The following CD80 variants were observed in gnomAD, a reference collection of about 807,000 sequenced individuals.
CD80 encodes the protein CD80 molecule, also known as T-lymphocyte activation antigen CD80.
A neutral mutation model predicts 27.1 loss-of-function variants in CD80; 13 were observed. The ratio of observed to expected loss-of-function variants is 0.48; its 90% CI spans 0.31 to 0.76. The LOEUF (loss-of-function observed/expected upper bound fraction) is 0.76, where lower values mean the gene tolerates loss of function less well. CD80 is among the 30% of genes least tolerant of loss of function. The probability of loss-of-function intolerance (pLI) is 0.04; values close to 1 mark genes in which losing one functional copy is unlikely to be tolerated. For missense variants in CD80, 277 were observed against 347.9 expected, an observed-to-expected ratio of 0.80 and a Z score of 1.62; for synonymous variants, 125 against 125.5, an observed-to-expected ratio of 1.00 and a Z score of 0.03.
At chr3:119,544,948 A>G (rs1698441399) in intron 2 of CD80, 81 bp from the exon 3 acceptor site, 1 of 1,146,224 alleles carries the variant, frequency 8.7e-7, no homozygotes, top group African/African-American at 1.5e-5. Context: ...AGTCGGCAGT[A>G]ACAGAACTTA....
chr3:119,543,085 A>C (rs1577110366), intron 3 of CD80, among the ~76,000 whole-genome samples: 1 of 152,082 alleles, frequency 6.6e-6, no homozygotes, highest in Admixed American at 6.6e-5. Context: ...CCCCCGACCC[A>C]CCTAGTTATC....
Position 119,557,620 on chromosome 3 carries a change from G to T in CD80, c.100+9C>A. On this transcript the variant is annotated intron_variant, in intron 2 of 6. Transcript: ENST00000264246. ...AGTTGACTCAGTTAAGTTCCTGAAA[G>T]TTGCTTACCTGAACAGAAGTGAGAA... 6.2e-7 allele frequency: 1 copy of T among 1,607,942 alleles called. No individual in the cohort carries two copies. The highest frequency in any genetic ancestry group is 8.5e-7 in the Non-Finnish European group (1 of 1,175,248).
intron 3 of CD80, among the ~76,000 whole-genome samples, chr3:119,540,677 G>T (rs1176434276): frequency 6.6e-6 from 1 of 152,102 alleles, no homozygotes; most frequent in East Asian, 1.9e-4. Flanking sequence ...TTATTAATAT[G>T]ATTCATGTTC....
At chr3:119,549,984 C>T (rs567002994) in intron 2 of CD80, among the ~76,000 whole-genome samples, 2 of 152,290 alleles carry the variant, frequency 1.3e-5, no homozygotes, top group South Asian at 4.1e-4. Flanking sequence ...GCTGTTTCAT[C>T]TGTTTCTTCA....
intron 6 of CD80, among the ~76,000 whole-genome samples, chr3:119,526,197 G>T (rs13092998): frequency 0.16 from 24,247 of 152,102 alleles, 2,069 homozygotes; most frequent in East Asian, 0.33. Flanking sequence ...ATACAGTCCA[G>T]TAAAGGATAG....
intron 5 of CD80, among the ~76,000 whole-genome samples, chr3:119,528,437 G>A (rs149951223): frequency 1.7e-3 from 260 of 152,180 alleles, no homozygotes; most frequent in African/African-American, 6.0e-3. Context: ...GCCTTATTTC[G>A]GACCATAGAA....
At chr3:119,538,340 C>T (rs1196635223) in intron 3 of CD80, among the ~76,000 whole-genome samples, 2 of 152,066 alleles carry the variant, frequency 1.3e-5, no homozygotes, top group Admixed American at 6.6e-5. Flanking sequence ...GCTTGAAGTA[C>T]GCAAGTGGCT....
At chr3:119,528,811 A>G (rs566692495) in intron 5 of CD80, among the ~76,000 whole-genome samples, 24 of 149,098 alleles carry the variant, frequency 1.6e-4, no homozygotes, top group African/African-American at 5.9e-4. Context: ...CTGTAGTCCC[A>G]GCTACTCAGG....
chr3:119,532,005 A>C (rs1577107340), intron 4 of CD80, among the ~76,000 whole-genome samples: 1 of 152,198 alleles, frequency 6.6e-6, no homozygotes, highest in East Asian at 1.9e-4. Flanking sequence ...ATCAGCATTT[A>C]GCCAGTTGGA....
At chr3:119,548,960 C>T (rs2082215595) in intron 2 of CD80, among the ~76,000 whole-genome samples, 2 of 152,128 alleles carry the variant, frequency 1.3e-5, no homozygotes, top group Non-Finnish European at 2.9e-5. Flanking sequence ...TCACTTGAAC[C>T]TGGGAGGCAG....
intron 6 of CD80, 194 bp downstream of exon 6, chr3:119,527,539 G>A (rs200167762): frequency 3.1e-6 from 1 of 320,636 alleles, no homozygotes; most frequent in East Asian, 6.8e-5. Flanking sequence ...CATGGCAAAA[G>A]AAGAGGTTAC....
intron 4 of CD80, among the ~76,000 whole-genome samples, chr3:119,530,656 C>T (rs1296893033): frequency 6.6e-6 from 1 of 152,096 alleles, no homozygotes; most frequent in East Asian, 1.9e-4. Context: ...CGGGTCCATC[C>T]CTCCAGATCA....
At chr3:119,556,702 T>A (rs2107749210) in intron 2 of CD80, among the ~76,000 whole-genome samples, 1 of 152,308 alleles carries the variant, frequency 6.6e-6, no homozygotes, top group African/African-American at 2.4e-5. Context: ...TAGGCAGTAC[T>A]TTATGTGAGA....
chr3:119,530,188 TAAGG>T (rs773002557), intron 4 of CD80, among the ~76,000 whole-genome samples: 41 of 152,234 alleles, frequency 2.7e-4, no homozygotes, highest in Admixed American at 1.6e-3. Flanking sequence ...TAAGTTGACA[TAAGG>T]AAGATTCTAA....
rs74543815 is a variant in CD80 at position 119,543,302 on chromosome 3, G to C, written c.418+1248C>G. The stretch of plus-strand genomic sequence containing the variant: ...GTCCTTTCTTTCCGAGACCAGAAAT[G>C]CTTGCCTTCCACAGTAGGTACATAA... On this transcript the variant is annotated intron_variant, in intron 3 of 6. Transcript: ENST00000264246. 5.5e-3 allele frequency among the ~76,000 whole-genome samples: 831 copies of C among 152,206 alleles called. 6 individuals carry two copies. The highest frequency in any genetic ancestry group is 0.019 in the African/African-American group (795 of 41,530).
chr3:119,544,941 C>T (rs1331045296), intron 2 of CD80, 74 bp from the exon 3 acceptor site: 33 of 1,244,290 alleles, frequency 2.7e-5, no homozygotes, highest in Admixed American at 4.5e-5. Context: ...AATCCAAAGT[C>T]GGCAGTAACA....
chr3:119,540,977 G>A (rs1472590150), intron 3 of CD80, among the ~76,000 whole-genome samples: 3 of 152,038 alleles, frequency 2.0e-5, no homozygotes, highest in Non-Finnish European at 4.4e-5. Flanking sequence ...GAACCCAGGA[G>A]GCAGAGGCTG....
In CD80 at chr3:119,544,877, G is replaced by C. The variant is rs2082191613; in HGVS notation, c.101-10C>G. ...GTCACGTGGATAACACCTATGGAGA[G>C]GCAAACAGAACAAGATTGTATATTT... On this transcript the variant is annotated splice_polypyrimidine_tract_variant and intron_variant, in intron 2 of 6. Transcript: ENST00000264246. 1 of 1,608,154 alleles carries C rather than the reference G, an allele frequency of 6.2e-7. No individual in the cohort carries two copies. The highest frequency in any genetic ancestry group is 1.3e-5 in the African/African-American group (1 of 74,774).
intron 6 of CD80, among the ~76,000 whole-genome samples, chr3:119,525,966 A>G (rs1232014049): frequency 2.0e-5 from 3 of 151,648 alleles, no homozygotes; most frequent in Non-Finnish European, 4.4e-5. Flanking sequence ...GATCAAGGGT[A>G]TTCCCAGCTT....
Sources: gnomAD v4.1 joint callset for allele counts (sites outside exome capture counted in the v4.1 genomes callset) on GRCh38, gnomAD v4.1.1 for gene constraint, MANE v1.5 for transcripts, NCBI Gene and HGNC (gene_info 2026-07-23, HGNC 2026-07-21) for gene names.